The following TMEM132D variants were observed in gnomAD, a reference collection of about 807,000 sequenced individuals.
TMEM132D encodes mature OL transmembrane protein.
In TMEM132D, 21 loss-of-function variants were observed where a neutral mutation model predicts 62.3. That is an observed-to-expected ratio of 0.34 (90% CI 0.24 to 0.49). The LOEUF (loss-of-function observed/expected upper bound fraction) is 0.49. TMEM132D is among the 20% of genes least tolerant of loss of function. The pLI, the probability that TMEM132D is intolerant of heterozygous loss-of-function variation, is 0.99. For missense variants in TMEM132D, 1,346 were observed against 1,402.8 expected (o/e 0.96, Z 0.65); for synonymous variants, 621 against 575.6 (o/e 1.08, Z -1.13).
chr12:129,757,913 AT>A (rs1220534141), intron 1 of TMEM132D, among the ~76,000 whole-genome samples: 14 of 151,492 alleles, frequency 9.2e-5, no homozygotes, highest in Middle Eastern at 3.4e-3. Flanking sequence ...ATTTTATTTT[AT>A]TTTTTTGAGA....
Position 129,849,365 on chromosome 12 carries a change from T to C in TMEM132D, c.79+53896A>G, listed in dbSNP as rs189337575. 1.5e-4 allele frequency among the ~76,000 whole-genome samples: 23 copies of C among 152,354 alleles called. No homozygotes were observed. The East Asian group carries it at 4.4e-3, about 29-fold the overall frequency. On this transcript the variant is annotated intron_variant, in intron 1 of 8. Transcript: ENST00000422113. ...TACAAGCATAAACCATACTTGTTTT[T>C]CTAGGGGAAAAAGCAAATCTCCCCG...
At chr12:129,710,302 T>G (rs1342334242) in intron 1 of TMEM132D, among the ~76,000 whole-genome samples, 4 of 152,032 alleles carry the variant, frequency 2.6e-5, no homozygotes, top group Non-Finnish European at 5.9e-5. Context: ...ATTTATTTAT[T>G]TATTTATTTT....
intron 2 of TMEM132D, among the ~76,000 whole-genome samples, chr12:129,591,661 T>C (rs540692804): frequency 6.6e-6 from 1 of 151,372 alleles, no homozygotes; most frequent in Non-Finnish European, 1.5e-5. Context: ...TAGCAAAAAA[T>C]AATAATAATA....
intron 4 of TMEM132D, among the ~76,000 whole-genome samples, chr12:129,228,976 T>C (rs1879558884): frequency 6.6e-6 from 1 of 152,208 alleles, no homozygotes; most frequent in South Asian, 2.1e-4. Flanking sequence ...AGTGAATGTG[T>C]CCTTGTGGCC....
At chr12:129,545,923 G>T (rs1876719517) in intron 2 of TMEM132D, among the ~76,000 whole-genome samples, 1 of 152,186 alleles carries the variant, frequency 6.6e-6, no homozygotes, top group African/African-American at 2.4e-5. Flanking sequence ...GGAATATGAG[G>T]AGGAACATGG....
At chr12:129,228,998 C>T (rs1004560068) in intron 4 of TMEM132D, among the ~76,000 whole-genome samples, 3 of 152,216 alleles carry the variant, frequency 2.0e-5, no homozygotes, top group African/African-American at 7.2e-5. Flanking sequence ...CTCTCCTCTT[C>T]TCCAGAGCTG....
rs561314272 is a variant in TMEM132D at position 129,101,044 on chromosome 12, G to A, written c.1444-16342C>T. Among the ~76,000 whole-genome samples, 13 of 151,832 alleles carry A rather than the reference G, an allele frequency of 8.6e-5. No individual in the cohort carries two copies. The East Asian group carries it at 1.2e-3, about 14-fold the overall frequency. ...GATGGCAGGGTCTAAGCTTTGCAGC[G>A]CTAGGCGGTGGCAGGGATCTAAGCT... is the stretch of plus-strand genomic sequence containing the variant. On this transcript the variant is annotated intron_variant, in intron 5 of 8. Coordinates refer to ENST00000422113, the MANE Select transcript of TMEM132D (RefSeq NM_133448.3).
chr12:129,369,553 A>G (rs763963638), intron 3 of TMEM132D, among the ~76,000 whole-genome samples: 3 of 152,224 alleles, frequency 2.0e-5, no homozygotes, highest in Non-Finnish European at 2.9e-5. Context: ...GCTCACAGGA[A>G]GCTGGGTCTC....
chr12:129,896,216 C>A (rs1875124108), intron 1 of TMEM132D, among the ~76,000 whole-genome samples: 1 of 151,870 alleles, frequency 6.6e-6, no homozygotes, highest in South Asian at 2.1e-4. Flanking sequence ...AACTCCTGGA[C>A]TCCTCAAGTG....
chr12:129,854,102 G>A (rs772103357), intron 1 of TMEM132D, among the ~76,000 whole-genome samples: 27 of 152,142 alleles, frequency 1.8e-4, no homozygotes, highest in Admixed American at 6.5e-4. Context: ...TTCACCCCAC[G>A]TTTCCCATGT....
At chr12:129,830,707 G>A (rs769501771) in intron 1 of TMEM132D, among the ~76,000 whole-genome samples, 1 of 151,946 alleles carries the variant, frequency 6.6e-6, no homozygotes, top group Non-Finnish European at 1.5e-5. Flanking sequence ...CTTAACTTTG[G>A]GAGATAAACC....
At chr12:129,865,125 G>C (rs151023147) in intron 1 of TMEM132D, among the ~76,000 whole-genome samples, 24 of 152,332 alleles carry the variant, frequency 1.6e-4, no homozygotes, top group Non-Finnish European at 2.6e-4. Flanking sequence ...TGCCGTAAAA[G>C]TGATGCACTG....
intron 3 of TMEM132D, among the ~76,000 whole-genome samples, chr12:129,357,249 A>AG (rs1870095910): frequency 6.6e-6 from 1 of 150,596 alleles, no homozygotes; most frequent in African/African-American, 2.4e-5. Flanking sequence ...CGTGTCTCAA[A>AG]AAAAAAAAAA....
chr12:129,865,621 T>C (rs1165791510), intron 1 of TMEM132D, among the ~76,000 whole-genome samples: 1 of 152,196 alleles, frequency 6.6e-6, no homozygotes, highest in Non-Finnish European at 1.5e-5. Flanking sequence ...ATTTTAAGCA[T>C]CCTGGCTGTT....
chr12:129,782,682 G>A (rs1212358625), intron 1 of TMEM132D, among the ~76,000 whole-genome samples: 1 of 152,198 alleles, frequency 6.6e-6, no homozygotes, highest in Admixed American at 6.5e-5. Flanking sequence ...TCACACAGGT[G>A]TATTTCTGAT....
intron 4 of TMEM132D, among the ~76,000 whole-genome samples, chr12:129,316,700 G>C (rs750455777): frequency 5.9e-5 from 9 of 152,078 alleles, no homozygotes; most frequent in African/African-American, 2.2e-4. Flanking sequence ...TTGTTTCTTT[G>C]TTGACTTTCT....
intron 5 of TMEM132D, among the ~76,000 whole-genome samples, chr12:129,126,545 C>T (rs1188106222): frequency 6.6e-6 from 1 of 152,060 alleles, no homozygotes; most frequent in East Asian, 1.9e-4. Context: ...GTGAACATCC[C>T]ATCTGCATTG....
chr12:129,823,826 T>C (rs894229825), intron 1 of TMEM132D, among the ~76,000 whole-genome samples: 1 of 152,246 alleles, frequency 6.6e-6, no homozygotes, highest in Non-Finnish European at 1.5e-5. Context: ...GGGCTTAATA[T>C]AAGGTATAAA....
At chr12:129,873,484 C>A (rs1450727033) in intron 1 of TMEM132D, among the ~76,000 whole-genome samples, 1 of 152,178 alleles carries the variant, frequency 6.6e-6, no homozygotes, top group East Asian at 1.9e-4. Context: ...GCTGATTCGT[C>A]AAAAGCAGCA....
Sources: gnomAD v4.1 joint callset for allele counts (sites outside exome capture counted in the v4.1 genomes callset) on GRCh38, gnomAD v4.1.1 for gene constraint, MANE v1.5 for transcripts, NCBI Gene and HGNC (gene_info 2026-07-23, HGNC 2026-07-21) for gene names.